The following BOD1L1 variants were observed in gnomAD, a reference collection of about 807,000 sequenced individuals.
The protein encoded by BOD1L1 is biorientation of chromosomes in cell division 1 like 1.
BOD1L1 carries 86 observed loss-of-function variants against 240.7 expected under a neutral mutation model. That is an observed-to-expected ratio of 0.36 (90% CI 0.30 to 0.43). The LOEUF (loss-of-function observed/expected upper bound fraction) is 0.43. Among genes scored for constraint, BOD1L1 ranks in the 20% least tolerant of loss-of-function variants. The pLI is 1.00. For synonymous variants in BOD1L1, 1,268 were observed against 1,272.3 expected, an observed-to-expected ratio of 1.00 and a Z score of 0.07; for missense variants, 3,554 against 3,643.5, an observed-to-expected ratio of 0.98 and a Z score of 0.63.
At chr4:13,577,705 G>C (rs1424266065) in intron 22 of BOD1L1, 74 bp from the exon 23 acceptor site, 10 of 1,083,650 alleles carry the variant, frequency 9.2e-6, no homozygotes, top group Non-Finnish European at 1.4e-5. Context: ...AGCCTGGCTT[G>C]TCTGTCAATG....
At chr4:13,577,701 G>A in intron 22 of BOD1L1, 70 bp from the exon 23 acceptor site, 1 of 1,196,594 alleles carries the variant, frequency 8.4e-7, no homozygotes, top group Non-Finnish European at 1.2e-6. Context: ...AATCAGCCTG[G>A]CTTGTCTGTC....
chr4:13,580,002 A>G, intron 21 of BOD1L1, 29 bp from the exon 22 acceptor site: 1 of 1,481,962 alleles, frequency 6.7e-7, no homozygotes, highest in Non-Finnish European at 9.2e-7. Context: ...ACAAAAAAAA[A>G]TTTTAAATCA....
In BOD1L1 at chr4:13,603,125, T is replaced by C; in HGVS notation, c.3775A>G (p.Thr1259Ala). 4 of 1,614,018 alleles carry C rather than the reference T, an allele frequency of 2.5e-6. No individual in the cohort carries two copies. Among genetic ancestry groups the C allele is most frequent in the Non-Finnish European group, 3.4e-6 (4 of 1,179,880 alleles). ...TGAGCAACATGTTCTTCAGCAGCTG[T>C]GTTTTTCAAATTCTTCTGTACCCTA... ...NDRVQKNLKN[T>A]AAEEHVAQGD... is the part of the protein sequence containing the mutation. The change falls in exon 10 of 26, where the codon ACA (threonine) becomes GCA (alanine). Residue 1259 changes from threonine to alanine, a missense_variant. Physicochemically the swap from Thr to Ala is moderately conservative, Grantham distance 58. Around this residue, in one of 2 missense-constraint regions of BOD1L1, gnomAD observed 3,393 missense variants for 3,427.1 expected, o/e 0.99. Transcript: ENST00000040738.
At chr4:13,571,133 G>A (rs1179358509) in intron 25 of BOD1L1, among the ~76,000 whole-genome samples, 1 of 152,158 alleles carries the variant, frequency 6.6e-6, no homozygotes, top group East Asian at 1.9e-4. Context: ...TGCCAAAAAA[G>A]TTTGAAAGTC....
At chr4:13,610,013 AAT>A (rs1344790908) in intron 6 of BOD1L1, among the ~76,000 whole-genome samples, 2 of 152,298 alleles carry the variant, frequency 1.3e-5, no homozygotes, top group African/African-American at 4.8e-5. Flanking sequence ...CTAACCAAGT[AAT>A]GTTTTCAAAA....
chr4:13,627,444 G>T lies in BOD1L1; in HGVS notation c.144C>A (p.Ala48=). 1 of 1,276,936 alleles carries T rather than the reference G, an allele frequency of 7.8e-7. No individual in the cohort carries two copies. The highest frequency in any genetic ancestry group is 2.2e-5 in the South Asian group (1 of 46,408). 79.1% of individuals were successfully genotyped at this position (1,276,936 alleles called of 1,614,324 possible). Residue 48 remains alanine (A), a synonymous_variant, in exon 1 of 26, where the codon GCC becomes GCA. Transcript: ENST00000040738. ...AGGAGGAGAG[A]GDPQLVAMIV... ...TCATGGCCACGAGCTGCGGGTCCCC[G>T]GCGCCCGCACCCGCGCCGCCCGCCC...
In BOD1L1 at chr4:13,604,438, C is replaced by A; in HGVS notation, c.2462G>T (p.Arg821Leu). ...TCTCTCTTTTTTGTTGTTTTCTTTA[C>A]GAACATTCTCATCTGTTTTTATAAT... ...EYIIKTDENV[R>L]KENNKKERRL... Residue 821 changes from arginine to leucine, a missense_variant, in exon 10 of 26, where the codon CGT becomes CTT. By Grantham distance (102) the Arg-to-Leu change is moderately radical. Coordinates refer to ENST00000040738, the MANE Select transcript of BOD1L1 (RefSeq NM_148894.3). The A allele has an allele frequency of 6.4e-7, 1 of 1,567,228 alleles. No homozygotes were observed. Among genetic ancestry groups the A allele is most frequent in the Non-Finnish European group, 8.6e-7 (1 of 1,166,106 alleles).
In BOD1L1 at chr4:13,604,324, T is replaced by C. The variant is rs748959566; in HGVS notation, c.2576A>G (p.Gln859Arg). 6.3e-7 allele frequency: 1 copy of C among 1,589,358 alleles called. No individual in the cohort carries two copies. Among genetic ancestry groups the C allele is most frequent in the Admixed American group, 1.9e-5 (1 of 53,432 alleles). ...KIQKDSLGSK[Q>R]HGITLQRRSE... ...TCTTCTCTGTAATGTGATACCATGT[T>C]GCTTGGAACCCAGAGAATCTTTCTG... Residue 859 changes from glutamine (Q) to arginine (R), a missense_variant, in exon 10 of 26, where the codon CAA (glutamine) becomes CGA (arginine). By Grantham distance (43) the Gln-to-Arg change is conservative (BLOSUM62 1). Coordinates refer to ENST00000040738, the MANE Select transcript of BOD1L1 (RefSeq NM_148894.3).
intron 19 of BOD1L1, 82 bp downstream of exon 19, chr4:13,582,155 T>C: frequency 8.4e-7 from 1 of 1,189,702 alleles, no homozygotes; most frequent in Non-Finnish European, 1.2e-6. Context: ...TAAGAAAAAC[T>C]CAAGATAACA....
chr4:13,607,514 T>C (rs1225027350), intron 8 of BOD1L1, among the ~76,000 whole-genome samples: 1 of 152,204 alleles, frequency 6.6e-6, no homozygotes, highest in Non-Finnish European at 1.5e-5. Context: ...GTCAGGCTGG[T>C]CTCAAACTCC....
At chr4:13,620,473 G>GC (rs1386440453) in intron 1 of BOD1L1, among the ~76,000 whole-genome samples, 1 of 152,188 alleles carries the variant, frequency 6.6e-6, no homozygotes, top group Non-Finnish European at 1.5e-5. Context: ...TAAACAAAGA[G>GC]CAAGTGGATG....
intron 12 of BOD1L1, chr4:13,592,992 G>A (rs1337972454): frequency 3.3e-5 from 5 of 152,106 alleles, no homozygotes; most frequent in Non-Finnish European, 5.9e-5. Flanking sequence ...TACAGGTTGA[G>A]CATCCCAAAT....
rs1295179491 is a variant in BOD1L1 at position 13,619,978 on chromosome 4, G to C, written c.333C>G (p.Asn111Lys). 4 of 1,611,878 alleles carry C rather than the reference G, an allele frequency of 2.5e-6. No homozygotes were observed. Among genetic ancestry groups the C allele is most frequent in the Non-Finnish European group, 2.5e-6 (3 of 1,178,962 alleles). The change falls in exon 2 of 26, where the codon AAC becomes AAG. Residue 111 changes from asparagine to lysine, a missense_variant. Asn to Lys is a moderately conservative substitution (Grantham distance 94). This residue lies in a region of BOD1L1 where 161 missense variants were observed against 216.4 expected (regional missense o/e 0.74). Coordinates refer to ENST00000040738, the MANE Select transcript of BOD1L1 (RefSeq NM_148894.3). ...THTWSPHLNK[N>K]QLRNNIRQQV... ...GTTGTCTAATGTTGTTTCTTAGCTG[G>C]TTCTTATTGAGATGCGGACTCCATG...
intron 14 of BOD1L1, among the ~76,000 whole-genome samples, chr4:13,589,990 GAC>G (rs1714064878): frequency 6.6e-6 from 1 of 152,170 alleles, no homozygotes; most frequent in African/African-American, 2.4e-5. Flanking sequence ...CCTGGGAGAA[GAC>G]CCACATAAAT....
In BOD1L1 at chr4:13,608,703, A is replaced by G. The variant is rs1577364125; in HGVS notation, c.1604-35T>C. The G allele has an allele frequency of 1.6e-5, 22 of 1,375,544 alleles. No homozygotes were observed. The East Asian group carries it at 6.3e-4, about 39-fold the overall frequency. 85.2% of individuals were successfully genotyped at this position (1,375,544 alleles called of 1,614,324 possible). On this transcript the variant is annotated intron_variant, in intron 7 of 25. Transcript: ENST00000040738. The stretch of plus-strand genomic sequence containing the variant: ...AAGCAATCAATAAAACGTATTTCAG[A>G]AAAGTTTTACAAACAATGTAATATT...
In BOD1L1 at chr4:13,607,123, T is replaced by C. The variant is rs920047958; in HGVS notation, c.1809A>G (p.Thr603=). ...AGGTTTTATTAAGGCATACCTCACT[T>C]GTTTTAAGGGTTTCTTTGGAATCTT... is the stretch of plus-strand genomic sequence containing the variant. ...YEEDSKETLK[T]SEHCEKEKIS... is the part of the protein sequence containing the mutation. The change falls in exon 9 of 26, where the codon ACA becomes ACG. Residue 603 remains threonine, a synonymous_variant. Coordinates refer to ENST00000040738, the MANE Select transcript of BOD1L1 (RefSeq NM_148894.3). 10 of 1,559,910 alleles carry C rather than the reference T, an allele frequency of 6.4e-6. No individual in the cohort carries two copies. The East Asian group carries it at 7.2e-5, about 11-fold the overall frequency.
At chr4:13,617,362 T>G (rs367787367) in intron 2 of BOD1L1, among the ~76,000 whole-genome samples, 2 of 152,222 alleles carry the variant, frequency 1.3e-5, no homozygotes, top group South Asian at 2.1e-4. Context: ...CCTCTTGTTT[T>G]GCAAACAAAC....
intron 25 of BOD1L1, 51 bp downstream of exon 25, chr4:13,576,787 A>C: frequency 6.4e-7 from 1 of 1,563,456 alleles, no homozygotes; most frequent in Non-Finnish European, 8.6e-7. Flanking sequence ...AGCAATTTTC[A>C]GATGGAGAAG....
intron 21 of BOD1L1, 134 bp from the exon 22 acceptor site, chr4:13,580,107 AATTG>A (rs1437112022): frequency 7.9e-6 from 5 of 632,406 alleles, no homozygotes; most frequent in African/African-American, 1.9e-5. Flanking sequence ...TATTTTCTGT[AATTG>A]ATTAAGTATA....
Sources: gnomAD v4.1 joint callset for allele counts (sites outside exome capture counted in the v4.1 genomes callset) on GRCh38, gnomAD v4.1.1 for gene constraint, gnomAD v4.1.1 regional missense constraint, MANE v1.5 for transcripts, NCBI Gene and HGNC (gene_info 2026-07-23, HGNC 2026-07-21) for gene names.